The following ANO1 variants were observed in gnomAD, a reference collection of about 807,000 sequenced individuals.
ANO1 encodes the protein anoctamin 1.
In ANO1, 59 loss-of-function variants were observed where a neutral mutation model predicts 124.0. The ratio of observed to expected loss-of-function variants is 0.48; its 90% confidence interval spans 0.39 to 0.59. The LOEUF is 0.59. Ranked by LOEUF, ANO1 falls within the 20% of genes least tolerant of loss-of-function variation. The probability of loss-of-function intolerance (pLI) is 0.00; values close to 1 mark genes in which losing one functional copy is unlikely to be tolerated. For missense variants in ANO1, 1,059 were observed against 1,328.0 expected (o/e 0.80, Z 3.15); for synonymous variants, 529 against 532.0 (o/e 0.99, Z 0.08).
Position 70,188,047 on chromosome 11 carries a change from G to T in ANO1, c.*43G>T. On this transcript the variant is annotated 3_prime_UTR_variant, in exon 26 of 26. Coordinates refer to ENST00000355303, the MANE Select transcript of ANO1 (RefSeq NM_018043.7). ...GGCAGGCCAGCCGGGCATCCTGACCGATGGGCACCCTCTCCCAGGGCAGGC... is the reference window on the plus strand; with the variant it reads ...GGCAGGCCAGCCGGGCATCCTGACCTATGGGCACCCTCTCCCAGGGCAGGC... 2 of 1,529,674 alleles carry T rather than the reference G, an allele frequency of 1.3e-6. No homozygotes were observed. Among genetic ancestry groups the T allele is most frequent in the Non-Finnish European group, 1.8e-6 (2 of 1,137,928 alleles). The allele number at this position is 1,529,674 out of a possible 1,614,324, so 94.8% of individuals were successfully genotyped here. A position where few individuals can be genotyped will look rare whatever the true frequency, so the allele number is the denominator to read the frequency against.
intron 10 of ANO1, among the ~76,000 whole-genome samples, chr11:70,126,661 A>C (rs1050857909): frequency 5.5e-5 from 8 of 146,728 alleles, no homozygotes; most frequent in Admixed American, 2.7e-4. Context: ...CATGAATGCT[A>C]GGCTTCGGTG....
chr11:70,125,321 C>A (rs1316653748), intron 9 of ANO1, among the ~76,000 whole-genome samples: 1 of 151,204 alleles, frequency 6.6e-6, no homozygotes, highest in Non-Finnish European at 1.5e-5. Flanking sequence ...GCAGCCTGGG[C>A]GACAGAGCAA....
intron 22 of ANO1, among the ~76,000 whole-genome samples, chr11:70,177,594 C>CTTTTTTTTTTTTTTTT (rs57647858): frequency 1.7e-3 from 136 of 78,900 alleles, no homozygotes; most frequent in Non-Finnish European, 2.0e-3. Context: ...TTTTTTTTTT[C>CTTTTTTTTTTTTTTTT]TTTTTTTTTT....
chr11:70,114,827 A>G (rs779184722), intron 7 of ANO1, among the ~76,000 whole-genome samples: 2 of 152,174 alleles, frequency 1.3e-5, no homozygotes, highest in Non-Finnish European at 2.9e-5. Context: ...TGAACTCGGG[A>G]GGCGGATAAC....
At chr11:69,982,230 T>G (rs372585638), upstream of ANO1, among the ~76,000 whole-genome samples, 437 of 152,322 alleles carry the variant, frequency 2.9e-3, 2 homozygotes, top group Non-Finnish European at 3.6e-3. Context: ...CTTAACCCTG[T>G]TGAGTATAGC....
In ANO1 at chr11:70,116,487, C is replaced by A; in HGVS notation, c.885C>A (p.Phe295Leu). The change falls in exon 8 of 26, where the codon TTC (phenylalanine) becomes TTA (leucine). Residue 295 changes from phenylalanine (F) to leucine (L), a missense_variant. By Grantham distance (22) the Phe-to-Leu change is conservative. Coordinates refer to ENST00000355303, the MANE Select transcript of ANO1 (RefSeq NM_018043.7). ...DGDYNGENVEFNDRKLLYEEW... is the reference protein window; with the variant it reads ...DGDYNGENVELNDRKLLYEEW... Reference sequence around the variant, plus strand: ...ACTACAACGGTGAAAACGTCGAGTTCAACGACAGAAAAGTAAGTTGATGGA... The same window carrying A: ...ACTACAACGGTGAAAACGTCGAGTTAAACGACAGAAAAGTAAGTTGATGGA... 1 of 1,597,436 alleles carries A rather than the reference C, an allele frequency of 6.3e-7. No homozygotes were observed. Among genetic ancestry groups the A allele is most frequent in the South Asian group, 1.1e-5 (1 of 87,878 alleles).
At chr11:70,087,668 A>T in intron 1 of ANO1, 84 bp from the exon 2 acceptor site, 1 of 1,283,316 alleles carries the variant, frequency 7.8e-7, no homozygotes, top group Non-Finnish European at 1.1e-6. Context: ...GTGAGGAGTG[A>T]GTGGATGAAG....
chr11:70,144,495 T>C (rs79326549), intron 11 of ANO1, among the ~76,000 whole-genome samples: 9,755 of 152,336 alleles, frequency 0.064, 1,042 homozygotes, highest in African/African-American at 0.22. Context: ...ATGCTCACCC[T>C]GATGAGATCC....
At chr11:70,016,567 G>A (rs1354894582) in intron 1 of ANO1, 2 of 152,420 alleles carry the variant, frequency 1.3e-5, no homozygotes, top group East Asian at 1.9e-4. Flanking sequence ...ATTCCACAGA[G>A]AGAGCTAAAA....
intron 18 of ANO1, among the ~76,000 whole-genome samples, chr11:70,162,794 A>G (rs1406628403): frequency 2.0e-5 from 3 of 152,134 alleles, no homozygotes. Context: ...GGAAGCCTAC[A>G]CGCCCCACAC....
At chr11:70,130,820 G>A (rs923584021) in intron 10 of ANO1, among the ~76,000 whole-genome samples, 1 of 152,166 alleles carries the variant, frequency 6.6e-6, no homozygotes, top group Non-Finnish European at 1.5e-5. Flanking sequence ...CCGCTGCACC[G>A]GGCAGCTGGG....
At chr11:69,967,465 A>G in the ANO1 span, among the ~76,000 whole-genome samples, 1 of 152,272 alleles carries the variant, frequency 6.6e-6, no homozygotes, top group South Asian at 2.1e-4. Flanking sequence ...AGGCCCCCGC[A>G]TTCCATCTCA....
chr11:70,008,737 G>C (rs1856539736), intron 1 of ANO1, among the ~76,000 whole-genome samples: 1 of 151,574 alleles, frequency 6.6e-6, no homozygotes, highest in South Asian at 2.1e-4. Context: ...AATGAAACAA[G>C]TGCCCTTTAG....
intron 1 of ANO1, among the ~76,000 whole-genome samples, chr11:70,007,273 C>CTTTT (rs71046569): frequency 4.5e-5 from 6 of 134,690 alleles, no homozygotes; most frequent in African/African-American, 5.5e-5. Flanking sequence ...TCCTTTCTTT[C>CTTTT]TTTTTTTTTT....
At chr11:70,176,957 A>C (rs113131538) in intron 22 of ANO1, among the ~76,000 whole-genome samples, 2 of 152,118 alleles carry the variant, frequency 1.3e-5, no homozygotes, top group Admixed American at 6.5e-5. Flanking sequence ...CACCCCGCGG[A>C]TGTGCAGGGC....
intron 1 of ANO1, among the ~76,000 whole-genome samples, chr11:70,024,900 CA>C (rs139954870): frequency 0.011 from 1,648 of 152,308 alleles, 12 homozygotes; most frequent in Non-Finnish European, 0.014. Flanking sequence ...AGGGACCACA[CA>C]GGCACACTCC....
intron 1 of ANO1, among the ~76,000 whole-genome samples, chr11:70,026,630 A>C (rs1333815253): frequency 6.6e-6 from 1 of 152,138 alleles, no homozygotes; most frequent in Non-Finnish European, 1.5e-5. Flanking sequence ...TGCTGCCATC[A>C]TTCAAGAGAC....
chr11:70,140,014 G>A (rs1009879609), intron 11 of ANO1, among the ~76,000 whole-genome samples: 24 of 152,154 alleles, frequency 1.6e-4, no homozygotes, highest in Admixed American at 1.2e-3. Context: ...TGGGAGCTGC[G>A]CTGAGGACTG....
chr11:69,969,784 T>C, the ANO1 span, among the ~76,000 whole-genome samples: 2 of 151,994 alleles, frequency 1.3e-5, no homozygotes, highest in African/African-American at 2.4e-5. Flanking sequence ...CCGTCTTTAC[T>C]AAAAATACAA....
Sources: allele counts gnomAD v4.1 joint callset (sites outside exome capture counted in the v4.1 genomes callset), GRCh38; gene constraint gnomAD v4.1.1; transcripts MANE v1.5; gene names NCBI Gene and HGNC (gene_info 2026-07-23, HGNC 2026-07-21).